BTLA: variants seen among roughly 807,000 people sequenced by gnomAD.
BTLA encodes the protein B and T lymphocyte associated, also known as B- and T-lymphocyte attenuator.
A neutral mutation model predicts 25.0 loss-of-function variants in BTLA; 11 were observed. The observed-to-expected ratio is 0.44, with a 90% CI of 0.28 to 0.73. The LOEUF (loss-of-function observed/expected upper bound fraction) is 0.73. Among genes scored for constraint, BTLA ranks in the 30% least tolerant of loss-of-function variants. The pLI, the probability that BTLA is intolerant of heterozygous loss-of-function variation, is 0.15. For synonymous variants in BTLA, 104 were observed against 119.8 expected, an observed-to-expected ratio of 0.87 and a Z score of 0.86; for missense variants, 282 against 332.8, an observed-to-expected ratio of 0.85 and a Z score of 1.19.
Position 112,471,216 on chromosome 3 carries a change from G to C in BTLA, c.543C>G (p.His181Gln), listed in dbSNP as rs1365783784. 2 of 1,613,632 alleles carry C rather than the reference G, an allele frequency of 1.2e-6. No homozygotes were observed. Among genetic ancestry groups the C allele is most frequent in the African/African-American group, 2.7e-5 (2 of 74,866 alleles). ...CAGAGGGAAAATAGAACCCACCTTG[G>C]TGCCTTCTCAGGCAGCAGAACAGGC... ...CFCLFCCLRR[H>Q]QGKQNELSDT... The change falls in exon 3 of 5, where the codon CAC becomes CAG. Residue 181 changes from histidine to glutamine, a missense_variant. Physicochemically the swap from His to Gln is conservative, Grantham distance 24. Transcript: ENST00000334529.
chr3:112,489,060 A>G (rs535278796), intron 1 of BTLA, among the ~76,000 whole-genome samples: 1 of 152,314 alleles, frequency 6.6e-6, no homozygotes, highest in South Asian at 2.1e-4. Flanking sequence ...GCTAAAAGGC[A>G]CTGAGGTGAA....
chr3:112,494,089 G>A (rs1408063391), intron 1 of BTLA, among the ~76,000 whole-genome samples: 4 of 151,904 alleles, frequency 2.6e-5, no homozygotes, highest in East Asian at 1.9e-4. Flanking sequence ...CAGCCTGGGC[G>A]ACAGAGCGAC....
At chr3:112,476,299 T>C (rs1233306932) in intron 2 of BTLA, among the ~76,000 whole-genome samples, 4 of 152,248 alleles carry the variant, frequency 2.6e-5, no homozygotes, top group African/African-American at 9.6e-5. Flanking sequence ...ACTGCTAAAC[T>C]GCTATGCATT....
At chr3:112,473,265 C>T (rs1277222712) in intron 2 of BTLA, among the ~76,000 whole-genome samples, 1 of 151,972 alleles carries the variant, frequency 6.6e-6, no homozygotes, top group Non-Finnish European at 1.5e-5. Flanking sequence ...ACCAGAGAAT[C>T]CAACAATCTA....
chr3:112,471,551 C>T (rs960052655), intron 2 of BTLA, among the ~76,000 whole-genome samples, 196 bp from the exon 3 acceptor site: 1 of 152,110 alleles, frequency 6.6e-6, no homozygotes, highest in Non-Finnish European at 1.5e-5. Context: ...CGTGGCTCTG[C>T]GATAATTTAT....
intron 1 of BTLA, among the ~76,000 whole-genome samples, chr3:112,497,940 TTGGGAGGCTGAGGCAGG>T (rs2082418607): frequency 6.6e-6 from 1 of 152,104 alleles, no homozygotes; most frequent in Non-Finnish European, 1.5e-5. Flanking sequence ...TCCTAGCACT[TTGGGAGGCTGAGGCAGG>T]TGGATCACTT....
Position 112,479,699 on chromosome 3 carries a change from G to C in BTLA, c.159C>G (p.Pro53=), listed in dbSNP as rs1576683186. Residue 53 remains proline, a synonymous_variant, in exon 2 of 5, where the codon CCC becomes CCG. Transcript: ENST00000334529. ...QSEHSILAGD[P]FELECPVKYC... ...ATTTCACAGGGCATTCTAGTTCAAA[G>C]GGATCTCCTGCTAAGATGGAGTGTT... 1 of 1,613,988 alleles carries C rather than the reference G, an allele frequency of 6.2e-7. No homozygotes were observed. Among genetic ancestry groups the C allele is most frequent in the Non-Finnish European group, 8.5e-7 (1 of 1,179,902 alleles).
chr3:112,492,573 C>G (rs2082385919), intron 1 of BTLA, among the ~76,000 whole-genome samples: 1 of 152,214 alleles, frequency 6.6e-6, no homozygotes, highest in African/African-American at 2.4e-5. Flanking sequence ...AAGTCCATCT[C>G]TACTTTCTTC....
intron 1 of BTLA, among the ~76,000 whole-genome samples, chr3:112,488,255 T>G (rs2082359947): frequency 8.1e-6 from 1 of 123,852 alleles, no homozygotes; most frequent in African/African-American, 3.1e-5. Context: ...TGAGACAGAG[T>G]CTCGCTCTGT....
intron 2 of BTLA, among the ~76,000 whole-genome samples, chr3:112,477,577 A>G (rs183841080): frequency 5.7e-4 from 86 of 152,114 alleles, no homozygotes; most frequent in African/African-American, 2.0e-3. Flanking sequence ...CTTTTGATGC[A>G]CAGAAGTGTT....
At chr3:112,488,228 CTTTTTT>C (rs546779181) in intron 1 of BTLA, among the ~76,000 whole-genome samples, 147 of 124,840 alleles carry the variant, frequency 1.2e-3, no homozygotes, top group Admixed American at 1.0e-2. Context: ...TTTCTTTTTT[CTTTTTT>C]TTTTTTTTTT....
At chr3:112,479,353 T>C (rs534217526) in intron 2 of BTLA, 102 bp downstream of exon 2, 40 of 1,076,490 alleles carry the variant, frequency 3.7e-5, no homozygotes, top group African/African-American at 1.6e-4. Context: ...AGATGTGCTA[T>C]AGGAGTTGGC....
intron 2 of BTLA, among the ~76,000 whole-genome samples, chr3:112,472,865 G>A (rs1160778287): frequency 2.0e-5 from 3 of 152,062 alleles, no homozygotes; most frequent in South Asian, 4.2e-4. Flanking sequence ...TTAGGTTAGC[G>A]AGCAGCCAAA....
intron 1 of BTLA, among the ~76,000 whole-genome samples, chr3:112,481,004 T>C (rs2082315205): frequency 6.6e-6 from 1 of 152,220 alleles, no homozygotes; most frequent in South Asian, 2.1e-4. Flanking sequence ...AAACAAGTTA[T>C]CTACTTCCAA....
intron 1 of BTLA, among the ~76,000 whole-genome samples, chr3:112,484,189 A>T (rs2082334035): frequency 6.6e-6 from 1 of 152,200 alleles, no homozygotes; most frequent in South Asian, 2.1e-4. Flanking sequence ...GATTTAGATC[A>T]TTGATACACA....
At chr3:112,493,284 G>A (rs1236422705) in intron 1 of BTLA, among the ~76,000 whole-genome samples, 1 of 152,082 alleles carries the variant, frequency 6.6e-6, no homozygotes, top group Non-Finnish European at 1.5e-5. Flanking sequence ...AAGTCTTCAT[G>A]ACATAAATGC....
At chr3:112,497,453 A>G (rs1338329085) in intron 1 of BTLA, among the ~76,000 whole-genome samples, 4 of 152,238 alleles carry the variant, frequency 2.6e-5, no homozygotes, top group Non-Finnish European at 4.4e-5. Context: ...TAGGTTGCAC[A>G]TTGGGAGAAA....
chr3:112,474,764 G>T (rs1322170349), intron 2 of BTLA, among the ~76,000 whole-genome samples: 2 of 152,212 alleles, frequency 1.3e-5, no homozygotes. Flanking sequence ...CAGATGAATG[G>T]GTGCTCTACA....
intron 1 of BTLA, 97 bp from the exon 2 acceptor site, chr3:112,479,866 CA>C: frequency 3.0e-6 from 3 of 1,006,486 alleles, no homozygotes; most frequent in South Asian, 1.8e-5. Flanking sequence ...TGGTAATTTT[CA>C]AAAACAACCC....
Sources: gnomAD v4.1 joint callset for allele counts (sites outside exome capture counted in the v4.1 genomes callset) on GRCh38, gnomAD v4.1.1 for gene constraint, MANE v1.5 for transcripts, NCBI Gene and HGNC (gene_info 2026-07-23, HGNC 2026-07-21) for gene names.